The following RFWD3 variants were observed in gnomAD, a reference collection of about 807,000 sequenced individuals.
The protein encoded by RFWD3 is E3 ubiquitin-protein ligase RFWD3.
A neutral mutation model predicts 87.7 loss-of-function variants in RFWD3; 65 were observed. The observed-to-expected ratio is 0.74, with a 90% CI of 0.61 to 0.91. RFWD3 has a LOEUF of 0.91. RFWD3 is among the 40% of genes least tolerant of loss of function. RFWD3 has a pLI of 0.00. For missense variants in RFWD3, 1,078 were observed against 938.5 expected (o/e 1.15, Z -1.94); for synonymous variants, 433 against 352.8 (o/e 1.23, Z -2.55).
At position 74,622,867 on chromosome 16, in the gene RFWD3, G is replaced by A. The variant is rs1254597887; in HGVS notation, c.*1061C>T. ...GCTTCACATGGGGAAGGCTTTAACTGGATAACTGGAATGTATAAAGAACAC... is the reference window on the plus strand; with the variant it reads ...GCTTCACATGGGGAAGGCTTTAACTAGATAACTGGAATGTATAAAGAACAC... On this transcript the variant is annotated 3_prime_UTR_variant, in exon 13 of 13. Coordinates refer to ENST00000361070, the MANE Select transcript of RFWD3 (RefSeq NM_018124.4). 2.0e-5 allele frequency: 3 copies of A among 152,164 alleles called. No individual in the cohort carries two copies. The highest frequency in any genetic ancestry group is 4.4e-5 in the Non-Finnish European group (3 of 68,040). The allele number at this position is 152,164 out of a possible 1,614,324, so 9.4% of individuals were successfully genotyped here.
chr16:74,631,346 C>A (rs546539679), intron 9 of RFWD3, among the ~76,000 whole-genome samples: 109 of 152,204 alleles, frequency 7.2e-4, no homozygotes, highest in African/African-American at 2.5e-3. Context: ...GTGGCATGCA[C>A]CTGTAATCCC....
chr16:74,625,507 G>A (rs967671488), intron 12 of RFWD3, among the ~76,000 whole-genome samples: 18 of 115,386 alleles, frequency 1.6e-4, no homozygotes, highest in Admixed American at 1.7e-4. Context: ...GAGCGAGACC[G>A]TCTCAAGAAA....
chr16:74,627,881 A>G (rs1958981707), intron 11 of RFWD3, among the ~76,000 whole-genome samples: 1 of 152,230 alleles, frequency 6.6e-6, no homozygotes, highest in African/African-American at 2.4e-5. Flanking sequence ...GAAAAAACCT[A>G]GAACACTGAC....
chr16:74,661,976 G>T lies in RFWD3; in HGVS notation c.-2-525C>A, dbSNP rs1961476555. 2.0e-5 allele frequency among the ~76,000 whole-genome samples: 3 copies of T among 152,118 alleles called. No individual in the cohort carries two copies. The South Asian group carries it at 6.2e-4, about 32-fold the overall frequency. On this transcript the variant is annotated intron_variant, in intron 1 of 12. Coordinates refer to ENST00000361070, the MANE Select transcript of RFWD3 (RefSeq NM_018124.4). ...CTTACCTAATGTTTCCAAAAAGGCT[G>T]AGCAAACTTTATCCTATCCCTTTCA... is the stretch of plus-strand genomic sequence containing the variant.
intron 2 of RFWD3, among the ~76,000 whole-genome samples, chr16:74,657,478 C>CTTTTTT (rs386385075): frequency 8.1e-6 from 1 of 122,708 alleles, no homozygotes; most frequent in Non-Finnish European, 1.8e-5. Context: ...TTTTCTTTTT[C>CTTTTTT]TTTTTTTTTT....
intron 9 of RFWD3, among the ~76,000 whole-genome samples, 176 bp from the exon 10 acceptor site, chr16:74,631,133 A>G (rs74024516): frequency 0.019 from 2,920 of 152,280 alleles, 96 homozygotes; most frequent in African/African-American, 0.067. Flanking sequence ...TTTAAATTCC[A>G]TAACATTTGT....
Position 74,644,441 on chromosome 16 carries a change from CT to C in RFWD3, c.999del (p.Ala334ProfsTer14). The part of the protein sequence containing the change: ...QVRKCPQCNK[K>X]ARHSDIVVLY... ...AGGACGACAATGTCACTGTGCCTGG[CT>C]TTCTTGTTGCACTAAAGAACCCAAT... On this transcript the variant is annotated frameshift_variant, in exon 6 of 13. Transcript: ENST00000361070. LOFTEE classifies it high-confidence loss of function. The C allele has an allele frequency of 6.2e-7, 1 of 1,614,208 alleles. No homozygotes were observed. Among genetic ancestry groups the C allele is most frequent in the South Asian group, 1.1e-5 (1 of 91,082 alleles).
intron 10 of RFWD3, among the ~76,000 whole-genome samples, chr16:74,629,609 AGAGT>A (rs920735664): frequency 1.3e-5 from 2 of 151,896 alleles, no homozygotes; most frequent in Non-Finnish European, 2.9e-5. Context: ...CCTGGGTGAC[AGAGT>A]GAGACACCAT....
intron 1 of RFWD3, among the ~76,000 whole-genome samples, chr16:74,661,713 A>G (rs1198617291): frequency 1.3e-5 from 2 of 152,208 alleles, no homozygotes; most frequent in African/African-American, 4.8e-5. Flanking sequence ...ATCTTCCAAA[A>G]TAGAAAGATC....
At chr16:74,641,296 G>C (rs1959622307) in intron 6 of RFWD3, among the ~76,000 whole-genome samples, 1 of 151,916 alleles carries the variant, frequency 6.6e-6, no homozygotes, top group South Asian at 2.1e-4. Context: ...CCGAGTAGCT[G>C]GGACTACAGG....
At chr16:74,646,367 C>A (rs1455334943) in intron 4 of RFWD3, among the ~76,000 whole-genome samples, 3 of 152,102 alleles carry the variant, frequency 2.0e-5, no homozygotes, top group Non-Finnish European at 2.9e-5. Context: ...CAGAATGAGA[C>A]CCTGTCTCAA....
intron 4 of RFWD3, 53 bp downstream of exon 4, chr16:74,649,079 C>T: frequency 1.6e-5 from 21 of 1,273,962 alleles, no homozygotes; most frequent in Non-Finnish European, 2.2e-5. Flanking sequence ...GACCTAGTCT[C>T]TAAAAATAAA....
intron 1 of RFWD3, among the ~76,000 whole-genome samples, chr16:74,661,824 T>C (rs1355041442): frequency 6.6e-6 from 1 of 152,192 alleles, no homozygotes; most frequent in African/African-American, 2.4e-5. Flanking sequence ...ATCAAATGCA[T>C]ATAATGCAGT....
At chr16:74,632,111 C>A (rs552239006) in intron 9 of RFWD3, among the ~76,000 whole-genome samples, 57 of 152,156 alleles carry the variant, frequency 3.7e-4, no homozygotes, top group African/African-American at 1.4e-3. Context: ...CTAAGGTCGG[C>A]TGGGCGCAGT....
chr16:74,647,776 G>C (rs1427926646), intron 4 of RFWD3, among the ~76,000 whole-genome samples: 1 of 151,978 alleles, frequency 6.6e-6, no homozygotes, highest in African/African-American at 2.4e-5. Context: ...ATTTTTACTA[G>C]GGATGGGGTT....
In RFWD3 at chr16:74,649,184, G is replaced by A. The variant is rs755233927; in HGVS notation, c.740C>T (p.Ser247Leu). The part of the protein sequence containing the change: ...VILEEQLAGV[S>L]AEQEVTCIDG... Reference sequence around the variant, plus strand: ...GATACATGTAACTTCTTGCTCTGCTGAGACACCTGCTAGTTGCTCTGCCAA... The same window carrying A: ...GATACATGTAACTTCTTGCTCTGCTAAGACACCTGCTAGTTGCTCTGCCAA... Residue 247 changes from serine to leucine, a missense_variant, in exon 4 of 13, where the codon TCA becomes TTA. By Grantham distance (145) the Ser-to-Leu change is moderately radical. Coordinates refer to ENST00000361070, the MANE Select transcript of RFWD3 (RefSeq NM_018124.4). 4.5e-6 allele frequency: 7 copies of A among 1,565,124 alleles called. No individual in the cohort carries two copies. Among genetic ancestry groups the A allele is most frequent in the Admixed American group, 4.2e-5 (2 of 47,710 alleles).
intron 4 of RFWD3, 87 bp from the exon 5 acceptor site, chr16:74,644,822 G>A: frequency 7.9e-7 from 1 of 1,270,116 alleles, no homozygotes; most frequent in Admixed American, 2.4e-5. Context: ...TAACAGAAGT[G>A]CAAAAAAAAT....
At chr16:74,626,765 A>G (rs900841166) in intron 11 of RFWD3, among the ~76,000 whole-genome samples, 1 of 152,210 alleles carries the variant, frequency 6.6e-6, no homozygotes. Context: ...ATTTAGAACC[A>G]TAGGCTAGGA....
chr16:74,626,955 T>C (rs1286772072), intron 11 of RFWD3, among the ~76,000 whole-genome samples: 1 of 152,148 alleles, frequency 6.6e-6, no homozygotes, highest in Non-Finnish European at 1.5e-5. Flanking sequence ...CTGCACATTT[T>C]TATAAAGTGA....
Sources: allele counts gnomAD v4.1 joint callset (sites outside exome capture counted in the v4.1 genomes callset), GRCh38; gene constraint gnomAD v4.1.1; transcripts MANE v1.5; gene names NCBI Gene and HGNC (gene_info 2026-07-23, HGNC 2026-07-21).